ABTB3: variants seen among roughly 807,000 people sequenced by gnomAD.
ABTB3 encodes ankyrin repeat- and BTB/POZ domain-containing protein 3.
the ABTB3 span, among the ~76,000 whole-genome samples, chr12:107,380,009 G>A: frequency 8.3e-4 from 126 of 152,242 alleles, 1 homozygote; most frequent in African/African-American, 2.7e-3. Context: ...ACCTTCCAGC[G>A]GAACAGATTC....
At chr12:107,533,197 TATATACAATATTATATACA>T in the ABTB3 span, among the ~76,000 whole-genome samples, 1 of 151,934 alleles carries the variant, frequency 6.6e-6, no homozygotes, top group African/African-American at 2.4e-5. Flanking sequence ...GAGGAAGAAA[TATATACAATATTATATACA>T]ATATACAAAA....
the ABTB3 span, among the ~76,000 whole-genome samples, chr12:107,574,134 C>T: frequency 1.3e-5 from 2 of 152,192 alleles, no homozygotes; most frequent in African/African-American, 4.8e-5. Context: ...CAGGTGGAGA[C>T]AGAACCCACC....
At chr12:107,497,374 G>T in the ABTB3 span, among the ~76,000 whole-genome samples, 1 of 144,702 alleles carries the variant, frequency 6.9e-6, no homozygotes, top group Non-Finnish European at 1.5e-5. Context: ...CATCACCATC[G>T]CCACCATCAT....
At chr12:107,430,410 T>C in the ABTB3 span, among the ~76,000 whole-genome samples, 1 of 152,264 alleles carries the variant, frequency 6.6e-6, no homozygotes. Context: ...TTTTGATGTT[T>C]GTTGTTTCAG....
the ABTB3 span, among the ~76,000 whole-genome samples, chr12:107,599,744 G>A: frequency 6.6e-6 from 1 of 152,016 alleles, no homozygotes; most frequent in Non-Finnish European, 1.5e-5. Context: ...CCAGTGCCTG[G>A]CCGATACTGG....
the ABTB3 span, among the ~76,000 whole-genome samples, chr12:107,399,692 T>C: frequency 6.6e-5 from 10 of 152,204 alleles, no homozygotes; most frequent in African/African-American, 2.2e-4. Flanking sequence ...TTATTTTACT[T>C]TAAGTTCTGG....
the ABTB3 span, among the ~76,000 whole-genome samples, chr12:107,546,964 C>T: frequency 2.0e-5 from 3 of 152,120 alleles, no homozygotes; most frequent in Non-Finnish European, 4.4e-5. Flanking sequence ...TAGGCCAAGG[C>T]GGGTGGATGA....
At chr12:107,530,806 T>A in the ABTB3 span, among the ~76,000 whole-genome samples, 2 of 152,238 alleles carry the variant, frequency 1.3e-5, no homozygotes, top group East Asian at 3.8e-4. Flanking sequence ...GTGCAAATCC[T>A]TGTGCATGAA....
At chr12:107,426,855 C>T in the ABTB3 span, among the ~76,000 whole-genome samples, 38 of 152,176 alleles carry the variant, frequency 2.5e-4, no homozygotes, top group Non-Finnish European at 5.4e-4. Flanking sequence ...CTCTCTATTT[C>T]ATCCACCTTC....
At chr12:107,611,677 C>T in the ABTB3 span, among the ~76,000 whole-genome samples, 1 of 152,194 alleles carries the variant, frequency 6.6e-6, no homozygotes, top group Non-Finnish European at 1.5e-5. Context: ...CAAATAGTGG[C>T]TCAAACACAC....
the ABTB3 span, among the ~76,000 whole-genome samples, chr12:107,376,545 A>C: frequency 6.6e-6 from 1 of 152,000 alleles, no homozygotes; most frequent in Admixed American, 6.5e-5. Flanking sequence ...GCAGCCATCT[A>C]TCCACCTTCC....
the ABTB3 span, among the ~76,000 whole-genome samples, chr12:107,508,901 G>T: frequency 6.6e-6 from 1 of 152,176 alleles, no homozygotes; most frequent in Non-Finnish European, 1.5e-5. Context: ...AAAGGCCACA[G>T]TCCATGCTCC....
At chr12:107,333,237 G>A in the ABTB3 span, among the ~76,000 whole-genome samples, 1 of 152,178 alleles carries the variant, frequency 6.6e-6, no homozygotes, top group African/African-American at 2.4e-5. Context: ...GTCAGAAGGT[G>A]GCCTGGAAGT....
the ABTB3 span, among the ~76,000 whole-genome samples, chr12:107,398,766 A>T: frequency 0.018 from 2,730 of 152,314 alleles, 84 homozygotes; most frequent in African/African-American, 0.063. Flanking sequence ...ACACTACACA[A>T]GACTTATTTA....
the ABTB3 span, among the ~76,000 whole-genome samples, chr12:107,603,288 C>T: frequency 2.0e-5 from 3 of 152,342 alleles, no homozygotes; most frequent in East Asian, 5.8e-4. Flanking sequence ...GAACAGAAAG[C>T]CACAGTTGTC....
chr12:107,552,509 G>A, the ABTB3 span, among the ~76,000 whole-genome samples: 32 of 152,096 alleles, frequency 2.1e-4, no homozygotes, highest in African/African-American at 7.7e-4. Flanking sequence ...CACAATATAG[G>A]ATCCAGATAC....
the ABTB3 span, among the ~76,000 whole-genome samples, chr12:107,336,884 T>C: frequency 1.3e-5 from 2 of 152,228 alleles, no homozygotes; most frequent in Non-Finnish European, 2.9e-5. Context: ...GAAAATGAAC[T>C]GTGAATTAAT....
At chr12:107,658,109 T>C in the ABTB3 span, 11 of 175,988 alleles carry the variant, frequency 6.3e-5, no homozygotes, top group South Asian at 1.7e-3. Context: ...AGGACCTTGG[T>C]AGCTGTGCTT....
chr12:107,650,117 A>C, the ABTB3 span: 1 of 152,066 alleles, frequency 6.6e-6, no homozygotes, highest in Non-Finnish European at 1.5e-5. Context: ...TCAAGAGCAG[A>C]CCTCACACAG....
Sources: allele counts gnomAD v4.1 joint callset (sites outside exome capture counted in the v4.1 genomes callset), GRCh38; gene constraint gnomAD v4.1.1; transcripts MANE v1.5; gene names NCBI Gene and HGNC (gene_info 2026-07-23, HGNC 2026-07-21).